Variants in KIRREL1 observed in about 807,000 individuals in gnomAD.
The protein encoded by KIRREL1 is kin of IRRE-like protein 1.
Under a neutral mutation model 83.3 loss-of-function variants are expected in KIRREL1, and 25 were observed. The ratio of observed to expected loss-of-function variants is 0.30; its 90% CI spans 0.22 to 0.42. KIRREL1 has a LOEUF of 0.42. Ranked by LOEUF, KIRREL1 falls within the 10% of genes least tolerant of loss-of-function variation. The pLI is 1.00. For synonymous variants in KIRREL1, 388 were observed against 410.4 expected (o/e 0.95, Z 0.66); for missense variants, 812 against 1,032.3 (o/e 0.79, Z 2.92).
At chr1:158,016,218 G>C (rs1659820498) in intron 1 of KIRREL1, among the ~76,000 whole-genome samples, 2 of 151,910 alleles carry the variant, frequency 1.3e-5, no homozygotes, top group Admixed American at 6.6e-5. Flanking sequence ...GGAGGAGAAT[G>C]TTGTGAACCC....
chr1:158,073,356 T>G (rs1661574282), intron 1 of KIRREL1, among the ~76,000 whole-genome samples: 1 of 152,194 alleles, frequency 6.6e-6, no homozygotes. Flanking sequence ...ATGTTCCTAT[T>G]CAGGTTTCCA....
intron 1 of KIRREL1, chr1:158,025,655 C>G (rs1660147117): frequency 6.7e-6 from 1 of 149,690 alleles, no homozygotes; most frequent in Admixed American, 6.7e-5. Context: ...CAGCCAAGAG[C>G]AGCACCGAAG....
At chr1:158,057,377 G>A (rs775616317) in intron 1 of KIRREL1, among the ~76,000 whole-genome samples, 108 of 152,260 alleles carry the variant, frequency 7.1e-4, no homozygotes, top group Non-Finnish European at 1.4e-3. Flanking sequence ...GACTTCCTAA[G>A]ACCTGGAATC....
chr1:158,070,738 A>C (rs147607883), intron 1 of KIRREL1, among the ~76,000 whole-genome samples: 82 of 152,258 alleles, frequency 5.4e-4, no homozygotes, highest in African/African-American at 1.9e-3. Context: ...GAAAGGACGG[A>C]TGTCTGAGAG....
intron 3 of KIRREL1, 82 bp from the exon 4 acceptor site, chr1:158,084,340 A>G: frequency 1.5e-6 from 2 of 1,366,470 alleles, no homozygotes; most frequent in South Asian, 1.5e-5. Flanking sequence ...AGGTGGAAGG[A>G]TGCTTCCAGA....
intron 1 of KIRREL1, among the ~76,000 whole-genome samples, chr1:157,997,557 T>C (rs1659241365): frequency 6.6e-6 from 1 of 152,012 alleles, no homozygotes; most frequent in Non-Finnish European, 1.5e-5. Context: ...GTATCTCTCA[T>C]GGAAAGAACT....
intron 4 of KIRREL1, 46 bp downstream of exon 4, chr1:158,084,625 C>G: frequency 6.5e-7 from 1 of 1,534,070 alleles, no homozygotes; most frequent in Non-Finnish European, 8.8e-7. Flanking sequence ...CCTAGCCCAG[C>G]TCACCTCTCC....
At chr1:158,033,255 A>G (rs1660378794) in intron 1 of KIRREL1, among the ~76,000 whole-genome samples, 1 of 151,862 alleles carries the variant, frequency 6.6e-6, no homozygotes, top group Non-Finnish European at 1.5e-5. Context: ...TATTTTTGGT[A>G]AAGACGGGGT....
chr1:158,016,551 C>CT (rs1160426796), intron 1 of KIRREL1, among the ~76,000 whole-genome samples: 1 of 152,022 alleles, frequency 6.6e-6, no homozygotes, highest in East Asian at 1.9e-4. Context: ...TTCTTTTTAA[C>CT]TTTGGGATGC....
Position 158,094,193 on chromosome 1 carries a change from C to A in KIRREL1, c.1720-120C>A. 3 of 810,862 alleles carry A rather than the reference C, an allele frequency of 3.7e-6. No individual in the cohort carries two copies. The highest frequency in any genetic ancestry group is 4.2e-6 in the Non-Finnish European group (2 of 476,280). 50.2% of individuals were successfully genotyped at this position (810,862 alleles called of 1,614,324 possible). ...CTGCTGAGAGGACCAGAACTCAAGT[C>A]TGCCCTTGACCTCAGACCCCACCCA... On this transcript the variant is annotated intron_variant, in intron 13 of 14. Coordinates refer to ENST00000359209, the MANE Select transcript of KIRREL1 (RefSeq NM_018240.7). This position sits in a 1 kb window ranked among gnomAD's most constrained non-coding sequence, Gnocchi z 4.6.
rs1453478402 is a variant in KIRREL1, at chr1:158,014,877, G to A, written c.52+21149G>A. 5.9e-5 allele frequency among the ~76,000 whole-genome samples: 9 copies of A among 152,134 alleles called. No homozygotes were observed. In the East Asian group the frequency reaches 1.7e-3, roughly 29 times the overall value. On this transcript the variant is annotated intron_variant, in intron 1 of 14. Transcript: ENST00000359209. Reference sequence around the variant, plus strand: ...GGATTCTTGGGGTCTTCCTCGGAAGGGGAGGTGCGTTCTCCTCCTTCCGGT... The same window carrying A: ...GGATTCTTGGGGTCTTCCTCGGAAGAGGAGGTGCGTTCTCCTCCTTCCGGT...
At chr1:158,029,369 A>ATGTGTGTGTGTGTG (rs1218198001) in intron 1 of KIRREL1, among the ~76,000 whole-genome samples, 12,103 of 144,946 alleles carry the variant, frequency 0.084, 686 homozygotes, top group Admixed American at 0.17. Context: ...GTGTGTGTGC[A>ATGTGTGTGTGTGTG]CGTGCGCGCG....
At chr1:158,092,728 C>CCACAGGGAAAGATCT (rs1662241275) in intron 11 of KIRREL1, among the ~76,000 whole-genome samples, 1 of 151,998 alleles carries the variant, frequency 6.6e-6, no homozygotes, top group South Asian at 2.1e-4. Flanking sequence ...ACGTGGGGCT[C>CCACAGGGAAAGATCT]CACAGGGAAA....
chr1:158,035,746 A>G (rs1288858153), intron 1 of KIRREL1, among the ~76,000 whole-genome samples: 1 of 152,158 alleles, frequency 6.6e-6, no homozygotes, highest in African/African-American at 2.4e-5. Flanking sequence ...ACTTTGATGG[A>G]GACAGGCCAT....
chr1:158,039,465 C>G (rs1660567160), intron 1 of KIRREL1, among the ~76,000 whole-genome samples: 2 of 152,168 alleles, frequency 1.3e-5, no homozygotes. Context: ...GCTCGAGTCT[C>G]AAGCTGGAGG....
chr1:158,006,536 A>G (rs1659524225), intron 1 of KIRREL1, among the ~76,000 whole-genome samples: 1 of 152,230 alleles, frequency 6.6e-6, no homozygotes, highest in African/African-American at 2.4e-5. Context: ...GCGTGAGCCC[A>G]AGAAGTTTAT....
chr1:158,019,599 T>C (rs888407922), intron 1 of KIRREL1, among the ~76,000 whole-genome samples: 10 of 152,082 alleles, frequency 6.6e-5, no homozygotes, highest in African/African-American at 2.4e-4. Flanking sequence ...CTCAGGGCAC[T>C]TAACTTGGGT....
intron 3 of KIRREL1, among the ~76,000 whole-genome samples, chr1:158,080,393 G>C (rs117474144): frequency 6.6e-6 from 1 of 152,174 alleles, no homozygotes; most frequent in Non-Finnish European, 1.5e-5. Flanking sequence ...ACCTGGAAAA[G>C]GAGAATATCA....
intron 1 of KIRREL1, among the ~76,000 whole-genome samples, chr1:158,027,223 G>C (rs1039142648): frequency 2.0e-5 from 3 of 152,166 alleles, no homozygotes; most frequent in Admixed American, 2.0e-4. Context: ...CACATTTACT[G>C]GTTTTTCATA....
Sources: allele counts gnomAD v4.1 joint callset (sites outside exome capture counted in the v4.1 genomes callset), GRCh38; gene constraint gnomAD v4.1.1; non-coding constraint Gnocchi (gnomAD v3.1); transcripts MANE v1.5; gene names NCBI Gene and HGNC (gene_info 2026-07-23, HGNC 2026-07-21).